Variants in SEMA3A observed in about 807,000 individuals in gnomAD.
SEMA3A encodes semaphorin 3A.
A neutral mutation model predicts 97.9 loss-of-function variants in SEMA3A; 29 were observed. The ratio of observed to expected loss-of-function variants is 0.30; its 90% CI spans 0.22 to 0.40. SEMA3A has a LOEUF of 0.40. SEMA3A is among the 10% of genes least tolerant of loss of function. The pLI is 1.00. For synonymous variants in SEMA3A, 321 were observed against 323.7 expected, an observed-to-expected ratio of 0.99 and a Z score of 0.09; for missense variants, 763 against 951.3, an observed-to-expected ratio of 0.80 and a Z score of 2.60.
chr7:84,440,012 A>G (rs1805234347), intron 1 of SEMA3A, among the ~76,000 whole-genome samples: 1 of 152,196 alleles, frequency 6.6e-6, no homozygotes, highest in Non-Finnish European at 1.5e-5. Flanking sequence ...ATAGAAGTAA[A>G]CAAATATGCA....
chr7:84,054,233 A>G (rs1221915878), intron 5 of SEMA3A, among the ~76,000 whole-genome samples: 13 of 151,904 alleles, frequency 8.6e-5, no homozygotes, highest in African/African-American at 1.9e-4. Context: ...GGCATTCTCT[A>G]TATTTCCTGA....
chr7:84,394,226 C>T (rs561647976), intron 1 of SEMA3A, among the ~76,000 whole-genome samples: 3 of 152,082 alleles, frequency 2.0e-5, no homozygotes, highest in Admixed American at 6.6e-5. Context: ...CCTTTTGCTG[C>T]CTTTTAAGAT....
intron 1 of SEMA3A, among the ~76,000 whole-genome samples, chr7:84,409,623 C>A (rs1019151701): frequency 6.6e-6 from 1 of 151,932 alleles, no homozygotes; most frequent in Non-Finnish European, 1.5e-5. Context: ...TCCATAGATA[C>A]AAAATAGCTA....
chr7:84,065,876 T>C (rs1453421029), intron 4 of SEMA3A, among the ~76,000 whole-genome samples: 1 of 151,810 alleles, frequency 6.6e-6, no homozygotes, highest in Admixed American at 6.6e-5. Context: ...TCTGAAACTA[T>C]TCCAATCAAT....
At chr7:84,417,004 CT>C (rs991836478) in intron 1 of SEMA3A, among the ~76,000 whole-genome samples, 4 of 151,908 alleles carry the variant, frequency 2.6e-5, no homozygotes, top group Non-Finnish European at 5.9e-5. Context: ...ATTTTAAAAA[CT>C]TTTTTTAAAC....
chr7:84,008,281 A>G (rs139438618), intron 9 of SEMA3A, among the ~76,000 whole-genome samples: 7,594 of 152,126 alleles, frequency 0.05, 536 homozygotes, highest in African/African-American at 0.16. Context: ...CACAAGGTCA[A>G]GAGATCGAGA....
At chr7:84,229,717 C>G (rs1227924835) in intron 3 of SEMA3A, among the ~76,000 whole-genome samples, 1 of 152,068 alleles carries the variant, frequency 6.6e-6, no homozygotes. Flanking sequence ...TCTGGACTCT[C>G]TATCCAGAGA....
At chr7:84,315,095 C>T (rs1332272202) in intron 2 of SEMA3A, among the ~76,000 whole-genome samples, 4 of 152,050 alleles carry the variant, frequency 2.6e-5, no homozygotes, top group African/African-American at 4.8e-5. Flanking sequence ...CAATCATTTC[C>T]AGAAGGGTAA....
intron 1 of SEMA3A, among the ~76,000 whole-genome samples, chr7:84,420,133 G>C (rs1804547835): frequency 6.6e-6 from 1 of 151,692 alleles, no homozygotes; most frequent in Non-Finnish European, 1.5e-5. Flanking sequence ...ATTCAGATTT[G>C]GATAAAACAG....
chr7:84,359,274 T>G (rs1584263203), intron 2 of SEMA3A, among the ~76,000 whole-genome samples: 1 of 151,962 alleles, frequency 6.6e-6, no homozygotes, highest in Admixed American at 6.6e-5. Flanking sequence ...TGGCTGTGGG[T>G]TTGTCATAAA....
chr7:84,193,083 C>T (rs911105657), intron 1 of SEMA3A, among the ~76,000 whole-genome samples: 1 of 151,914 alleles, frequency 6.6e-6, no homozygotes, highest in African/African-American at 2.4e-5. Flanking sequence ...AGTACAATTG[C>T]ACTTCTGTTT....
At chr7:84,410,248 T>C (rs866013667) in intron 1 of SEMA3A, among the ~76,000 whole-genome samples, 4 of 152,282 alleles carry the variant, frequency 2.6e-5, no homozygotes, top group East Asian at 1.9e-4. Context: ...GTATTTTATA[T>C]ATTTACCTTT....
chr7:84,370,950 C>T (rs1418633829), intron 2 of SEMA3A, among the ~76,000 whole-genome samples: 1 of 149,608 alleles, frequency 6.7e-6, no homozygotes, highest in East Asian at 2.0e-4. Flanking sequence ...ATCTAGTATA[C>T]CATATAGAAC....
chr7:84,146,845 G>C (rs1271525134), intron 1 of SEMA3A, among the ~76,000 whole-genome samples: 1 of 152,092 alleles, frequency 6.6e-6, no homozygotes, highest in East Asian at 1.9e-4. Context: ...TTATTTATGA[G>C]ACTCCTCTAT....
chr7:84,252,690 A>G (rs1799635511), intron 3 of SEMA3A, among the ~76,000 whole-genome samples: 1 of 152,232 alleles, frequency 6.6e-6, no homozygotes, highest in East Asian at 1.9e-4. Context: ...ATAGTGAAGA[A>G]TAAAAATATA....
intron 2 of SEMA3A, among the ~76,000 whole-genome samples, chr7:84,312,796 C>A (rs571607790): frequency 1.4e-5 from 2 of 143,860 alleles, no homozygotes; most frequent in East Asian, 4.2e-4. Flanking sequence ...ATCTAAATCA[C>A]CCAAGTGCCC....
chr7:84,269,035 TTCA>T (rs1467874135), intron 3 of SEMA3A, among the ~76,000 whole-genome samples: 1 of 152,174 alleles, frequency 6.6e-6, no homozygotes, highest in African/African-American at 2.4e-5. Flanking sequence ...CTTTCCTTTC[TTCA>T]TTCTTTCTTC....
At chr7:84,321,959 T>A (rs1370323057) in intron 2 of SEMA3A, among the ~76,000 whole-genome samples, 1 of 147,300 alleles carries the variant, frequency 6.8e-6, no homozygotes, top group Non-Finnish European at 1.5e-5. Context: ...AGAGGTTTAA[T>A]TGACTCACAG....
chr7:84,088,802 C>T lies in SEMA3A; in HGVS notation c.453+21668G>A, dbSNP rs556871928. On this transcript the variant is annotated intron_variant, in intron 4 of 16. Transcript: ENST00000265362. Reference sequence around the variant, plus strand: ...GGAGAATTTAAAAATGCATAGGGTGCAATTTGATCTAGTTGATGTTTAAGT... The same window carrying T: ...GGAGAATTTAAAAATGCATAGGGTGTAATTTGATCTAGTTGATGTTTAAGT... Among the ~76,000 whole-genome samples the T allele has an allele frequency of 2.6e-5, 4 of 151,972 alleles. No homozygotes were observed. In the South Asian group the frequency reaches 6.3e-4, roughly 24 times the overall value.
Sources: allele counts gnomAD v4.1 joint callset (sites outside exome capture counted in the v4.1 genomes callset), GRCh38; gene constraint gnomAD v4.1.1; transcripts MANE v1.5; gene names NCBI Gene and HGNC (gene_info 2026-07-23, HGNC 2026-07-21).